Variants in UNC13D observed in about 807,000 individuals in gnomAD.
UNC13D encodes the protein protein unc-13 homolog D.
Under a neutral mutation model 151.7 loss-of-function variants are expected in UNC13D, and 115 were observed. The observed-to-expected ratio is 0.76, with a 90% CI of 0.65 to 0.88. The LOEUF is 0.88. Among genes scored for constraint, UNC13D ranks in the 40% least tolerant of loss-of-function variants. UNC13D has a pLI of 0.00. For missense variants in UNC13D, 1,369 were observed against 1,438.7 expected (o/e 0.95, Z 0.78); for synonymous variants, 588 against 612.2 (o/e 0.96, Z 0.58).
chr17:75,839,775 G>A (rs1489008795), intron 12 of UNC13D, 64 bp downstream of exon 12: 1 of 1,535,794 alleles, frequency 6.5e-7, no homozygotes, highest in East Asian at 2.3e-5. Flanking sequence ...CTACCGGCTT[G>A]GAGGAGGGCA....
chr17:75,833,919 C>T lies in UNC13D; in HGVS notation c.2367+156G>A, dbSNP rs1350681084. ...GGACAGCCAGTGGAGTGACCCAACC[C>T]GTTCCTGTGAGCATCCCAGGAGGAA... On this transcript the variant is annotated intron_variant, in intron 24 of 31. Coordinates refer to ENST00000207549, the MANE Select transcript of UNC13D (RefSeq NM_199242.3). The surrounding 1 kb of genome is among the most constrained non-coding windows in gnomAD (Gnocchi z 4.0). Among the ~76,000 whole-genome samples, 5 of 152,200 alleles carry T rather than the reference C, an allele frequency of 3.3e-5. No homozygotes were observed. The highest frequency in any genetic ancestry group is 2.1e-4 in the South Asian group (1 of 4,830).
Position 75,827,693 on chromosome 17 carries a change from A to G in UNC13D, c.*272T>C. The G allele has an allele frequency of 6.5e-7, 1 of 1,526,976 alleles. No individual in the cohort carries two copies. 94.6% of individuals were successfully genotyped at this position (1,526,976 alleles called of 1,614,324 possible). The stretch of plus-strand genomic sequence containing the variant: ...ACAGCAGCTTTTCTGAGAGGCGGGC[A>G]GGGGCAGGGTTTGCTCCCCCTGGTG... On this transcript the variant is annotated 3_prime_UTR_variant, in exon 32 of 32. Coordinates refer to ENST00000207549, the MANE Select transcript of UNC13D (RefSeq NM_199242.3).
Position 75,840,611 on chromosome 17 carries a change from C to T in UNC13D, c.684-35G>A, listed in dbSNP as rs1229724187. On this transcript the variant is annotated intron_variant, in intron 8 of 31. Transcript: ENST00000207549. The surrounding 1 kb of genome is among the most constrained non-coding windows in gnomAD (Gnocchi z 4.6). ...GCAGGGTCCCATAAGGGGGACGCAG[C>T]AAGGGTCGGAAGGGATTAGGCTGGA... is the stretch of plus-strand genomic sequence containing the variant. 1.9e-6 allele frequency: 3 copies of T among 1,613,858 alleles called. No individual in the cohort carries two copies. The Admixed American group carries it at 5.0e-5, about 27-fold the overall frequency.
chr17:75,835,497 C>T lies in UNC13D; in HGVS notation c.1760G>A (p.Arg587His), dbSNP rs201600711. ...DGVLALDNFH[R>H]WFQPAIPSWL... ...GGAGGGGATGGCCGGCTGGAACCAG[C>T]GGTGGAAATTATCCAGGGCCAGGAC... Residue 587 changes from arginine to histidine, a missense_variant, in exon 20 of 32, where the codon CGC (arginine) becomes CAC (histidine). This residue lies in a region of UNC13D where 807 missense variants were observed against 795.5 expected (regional missense o/e 1.01). Transcript: ENST00000207549. 147 of 1,609,578 alleles carry T rather than the reference C, an allele frequency of 9.1e-5. No individual in the cohort carries two copies. Among genetic ancestry groups the T allele is most frequent in the Non-Finnish European group, 1.1e-4 (133 of 1,178,200 alleles).
chr17:75,831,550 C>T (rs1480363505), intron 25 of UNC13D: 4 of 599,900 alleles, frequency 6.7e-6, no homozygotes, highest in Non-Finnish European at 1.2e-5. Flanking sequence ...CAGGTGGGAT[C>T]AGTCCTATCC....
In UNC13D at chr17:75,835,390, G is replaced by A; in HGVS notation, c.1848+19C>T. On this transcript the variant is annotated intron_variant, in intron 20 of 31. Coordinates refer to ENST00000207549, the MANE Select transcript of UNC13D (RefSeq NM_199242.3). ...CCCCCAAACCGGGGCCCCGCCCCCTGCCCTGGCCACGCCCCCACCTCATCC... is the reference window on the plus strand; with the variant it reads ...CCCCCAAACCGGGGCCCCGCCCCCTACCCTGGCCACGCCCCCACCTCATCC... The A allele has an allele frequency of 6.2e-7, 1 of 1,609,192 alleles. No homozygotes were observed. The highest frequency in any genetic ancestry group is 8.5e-7 in the Non-Finnish European group (1 of 1,178,910).
At position 75,840,992 on chromosome 17, in the gene UNC13D, C is replaced by T. The variant is rs201806234; in HGVS notation, c.579G>A (p.Glu193=). 7.4e-6 allele frequency: 12 copies of T among 1,614,086 alleles called. No homozygotes were observed. Among genetic ancestry groups the T allele is most frequent in the Admixed American group, 6.7e-5 (4 of 60,000 alleles). Residue 193 remains glutamate, a synonymous_variant, in exon 7 of 32, where the codon GAG becomes GAA. Coordinates refer to ENST00000207549, the MANE Select transcript of UNC13D (RefSeq NM_199242.3). The surrounding 1 kb of genome is among the most constrained non-coding windows in gnomAD (Gnocchi z 4.6). ...GATGAAAGCTCGCATTGGTGATGTC[C>T]TCAAACTCCCTGTATGGAGAAAAGG... ...VWDETFILEF[E]DITNASFHLD... is the part of the protein sequence containing the mutation.
chr17:75,838,629 C>T (rs7217019), intron 12 of UNC13D, among the ~76,000 whole-genome samples: 3,821 of 152,266 alleles, frequency 0.025, 134 homozygotes, highest in African/African-American at 0.077. Context: ...ATAGATTTGT[C>T]CTTATCAGCG....
chr17:75,834,552 T>G, intron 22 of UNC13D, 21 bp from the exon 23 acceptor site: 1 of 1,606,938 alleles, frequency 6.2e-7, no homozygotes, highest in Non-Finnish European at 8.5e-7. Flanking sequence ...GATGCAGAGC[T>G]TCCTGAACTG....
At chr17:75,841,212 C>T (rs2064946882) in intron 6 of UNC13D, 1 of 528,624 alleles carries the variant, frequency 1.9e-6, no homozygotes, top group Admixed American at 3.6e-5. Context: ...GTGGCAGGAT[C>T]TAACTCACTG....
At chr17:75,835,232 A>G (rs1025577693) in intron 20 of UNC13D, 169 bp from the exon 21 acceptor site, 3 of 1,395,688 alleles carry the variant, frequency 2.1e-6, no homozygotes, top group Non-Finnish European at 2.9e-6. Context: ...AGGCAAAGTG[A>G]AGCCACAGCC....
rs1246899378 is a variant in UNC13D at position 75,833,863 on chromosome 17, A to G, written c.2367+212T>C. 2.0e-5 allele frequency among the ~76,000 whole-genome samples: 3 copies of G among 152,184 alleles called. No individual in the cohort carries two copies. The highest frequency in any genetic ancestry group is 7.2e-5 in the African/African-American group (3 of 41,424). On this transcript the variant is annotated intron_variant, in intron 24 of 31. Coordinates refer to ENST00000207549, the MANE Select transcript of UNC13D (RefSeq NM_199242.3). The surrounding 1 kb of genome is among the most constrained non-coding windows in gnomAD (Gnocchi z 4.0). Reference sequence around the variant, plus strand: ...GGCTGCAAAGTCTAAGCCGTCCCCAACTGCAGCCCCCTCATTGACTGTCAG... The same window carrying G: ...GGCTGCAAAGTCTAAGCCGTCCCCAGCTGCAGCCCCCTCATTGACTGTCAG...
intron 6 of UNC13D, chr17:75,841,207 AG>A (rs1182236020): frequency 5.5e-6 from 3 of 543,488 alleles, no homozygotes; most frequent in Non-Finnish European, 6.3e-6. Context: ...GTGCAGTGGC[AG>A]GATCTAACTC....
rs2143879473 is a variant in UNC13D, at chr17:75,835,745, A to G, written c.1629T>C (p.Val543=). ...VAKRVQDHTT[V]VGDVVSPEMG... The stretch of plus-strand genomic sequence containing the variant: ...TCTCTGGGGACACTACATCACCCAC[A>G]ACCGTCGTGTGGTCCTGCACCCGCT... The change falls in exon 19 of 32, where the codon GTT becomes GTC. Residue 543 remains valine (V), a synonymous_variant. Coordinates refer to ENST00000207549, the MANE Select transcript of UNC13D (RefSeq NM_199242.3). 1.2e-6 allele frequency: 2 copies of G among 1,613,828 alleles called. No individual in the cohort carries two copies. Among genetic ancestry groups the G allele is most frequent in the Non-Finnish European group, 8.5e-7 (1 of 1,180,038 alleles).
At chr17:75,839,099 CA>C (rs201312544) in intron 12 of UNC13D, among the ~76,000 whole-genome samples, 40 of 144,460 alleles carry the variant, frequency 2.8e-4, no homozygotes, top group Middle Eastern at 3.5e-3. Flanking sequence ...GACTCTGTCT[CA>C]AAAAAAAAAA....
intron 6 of UNC13D, chr17:75,841,305 T>TGTTGG: frequency 7.7e-6 from 3 of 387,494 alleles, no homozygotes; most frequent in South Asian, 7.2e-5. Context: ...CCACCACACC[T>TGTTGG]GGCTAATTTT....
At chr17:75,828,636 T>A in intron 31 of UNC13D, 151 bp downstream of exon 31, 1 of 903,732 alleles carries the variant, frequency 1.1e-6, no homozygotes, top group Non-Finnish European at 1.6e-6. Context: ...CACTGGTCTC[T>A]TGATTAGACC....
chr17:75,843,555 G>A, intron 1 of UNC13D, 36 bp from the exon 2 acceptor site: 1 of 1,606,236 alleles, frequency 6.2e-7, no homozygotes, highest in Non-Finnish European at 8.5e-7. Context: ...GTCCCGGGAG[G>A]CCCAGAGCAG....
At chr17:75,843,794 C>T in intron 1 of UNC13D, 1 of 1,398,414 alleles carries the variant, frequency 7.2e-7, no homozygotes, top group Non-Finnish European at 9.3e-7. Context: ...AACAGCTCTG[C>T]TTATCAGTGG....
Sources: allele counts gnomAD v4.1 joint callset (sites outside exome capture counted in the v4.1 genomes callset), GRCh38; gene constraint gnomAD v4.1.1; regional missense constraint gnomAD v4.1.1; non-coding constraint Gnocchi (gnomAD v3.1); transcripts MANE v1.5; gene names NCBI Gene and HGNC (gene_info 2026-07-23, HGNC 2026-07-21).